The following GLYATL1 variants were observed in gnomAD, a reference collection of about 807,000 sequenced individuals.
The protein encoded by GLYATL1 is glycine N-acyltransferase-like protein 1.
GLYATL1 carries 15 observed loss-of-function variants against 20.0 expected under a neutral mutation model. The observed-to-expected ratio is 0.75, with a 90% CI of 0.50 to 1.15. The LOEUF (loss-of-function observed/expected upper bound fraction) is 1.15, where lower values mean the gene tolerates loss of function less well. Ranked by LOEUF, GLYATL1 falls within the 50% of genes most tolerant of loss-of-function variation. GLYATL1 has a pLI of 0.00. For missense variants in GLYATL1, 380 were observed against 368.5 expected (o/e 1.03, Z -0.26); for synonymous variants, 151 against 131.5 (o/e 1.15, Z -1.01).
intron 1 of GLYATL1, among the ~76,000 whole-genome samples, chr11:58,940,583 A>G (rs190490127): frequency 2.5e-3 from 384 of 152,354 alleles, no homozygotes; most frequent in African/African-American, 8.3e-3. Context: ...TTTCATGTTC[A>G]TGCTACTTAA....
chr11:58,910,508 G>A (rs1264348858), downstream of GLYATL1, among the ~76,000 whole-genome samples: 14 of 152,132 alleles, frequency 9.2e-5, no homozygotes, highest in Non-Finnish European at 2.9e-5. Context: ...AAATACATGT[G>A]GCTGTGGTAT....
chr11:58,945,955 T>C (rs1856541993), intron 2 of GLYATL1, among the ~76,000 whole-genome samples: 1 of 152,246 alleles, frequency 6.6e-6, no homozygotes, highest in Non-Finnish European at 1.5e-5. Flanking sequence ...ATGTTTCACC[T>C]TGCCTATTAC....
intron 1 of GLYATL1, among the ~76,000 whole-genome samples, chr11:58,932,329 TG>T (rs1406985921): frequency 1.3e-5 from 2 of 152,148 alleles, no homozygotes; most frequent in South Asian, 4.1e-4. Flanking sequence ...CATTTCTCAC[TG>T]GTTGAGGTGC....
At chr11:58,921,774 T>C (rs890196920) in intron 1 of GLYATL1, among the ~76,000 whole-genome samples, 1 of 152,192 alleles carries the variant, frequency 6.6e-6, no homozygotes, top group Non-Finnish European at 1.5e-5. Flanking sequence ...TCTCAGTTAA[T>C]GTACACCTTG....
In GLYATL1 at chr11:58,915,225, A is replaced by G. The variant is rs147470920; in HGVS notation, n.264+9564A>G. 6.3e-3 allele frequency among the ~76,000 whole-genome samples: 965 copies of G among 152,340 alleles called. 4 individuals carry two copies. Among genetic ancestry groups the G allele is most frequent in the Non-Finnish European group, 0.01 (688 of 68,036 alleles). On this transcript the variant is annotated intron_variant and non_coding_transcript_variant, in intron 1 of 2. Transcript: ENST00000534674. ...ATAAACTCTTAGAAGGCATACAGTA[A>G]GTGCAGATTACCCAATTCAGTAATT...
At chr11:58,922,978 A>T (rs1306385765), upstream of GLYATL1, among the ~76,000 whole-genome samples, 1 of 152,214 alleles carries the variant, frequency 6.6e-6, no homozygotes, top group Non-Finnish European at 1.5e-5. Context: ...AGTTCTTAAC[A>T]TCTGAGGGGT....
intron 4 of GLYATL1, among the ~76,000 whole-genome samples, chr11:58,952,366 T>G (rs1184876991): frequency 6.6e-6 from 1 of 152,208 alleles, no homozygotes; most frequent in African/African-American, 2.4e-5. Context: ...ACTGAATATT[T>G]TATTCATAAT....
chr11:58,925,124 C>T (rs1855398295), upstream of GLYATL1, among the ~76,000 whole-genome samples: 1 of 152,038 alleles, frequency 6.6e-6, no homozygotes, highest in South Asian at 2.1e-4. Context: ...AGTCTCCAGG[C>T]TGGTGCTGGT....
upstream of GLYATL1, among the ~76,000 whole-genome samples, chr11:58,936,612 T>C (rs1855847648): frequency 6.6e-6 from 1 of 152,188 alleles, no homozygotes; most frequent in Non-Finnish European, 1.5e-5. Context: ...AAGCTGAATT[T>C]GGGGTAGAAA....
At chr11:58,943,124 A>G (rs1169392437) in intron 1 of GLYATL1, 1 of 735,050 alleles carries the variant, frequency 1.4e-6, no homozygotes, top group Non-Finnish European at 2.0e-6. Flanking sequence ...GAAACAAACT[A>G]ATTACAGCCT....
At chr11:58,907,006 TA>T (rs1329038616) in intron 1 of GLYATL1, among the ~76,000 whole-genome samples, 1 of 152,088 alleles carries the variant, frequency 6.6e-6, no homozygotes, top group Non-Finnish European at 1.5e-5. Flanking sequence ...ACAGGAACAA[TA>T]AAAGGTTGAT....
In GLYATL1 at chr11:58,955,734, C is replaced by G; in HGVS notation, c.616C>G (p.Pro206Ala). Residue 206 changes from proline to alanine, a missense_variant, in exon 7 of 7, where the codon CCA (proline) becomes GCA (alanine). Coordinates refer to ENST00000532726, the MANE Select transcript of GLYATL1 (RefSeq NM_001389712.2). Reference protein sequence around the residue: ...HYIKRCIEDLPAACMLGPEGV... With the variant: ...HYIKRCIEDLAAACMLGPEGV... ...CATCAAGCGCTGCATAGAAGACCTG[C>G]CAGCAGCCTGTATGCTCGGCCCAGA... The G allele has an allele frequency of 1.2e-6, 2 of 1,614,202 alleles. No homozygotes were observed. Among genetic ancestry groups the G allele is most frequent in the Non-Finnish European group, 1.7e-6 (2 of 1,180,044 alleles).
chr11:58,941,994 T>G (rs1856195229), intron 1 of GLYATL1, among the ~76,000 whole-genome samples: 1 of 152,332 alleles, frequency 6.6e-6, no homozygotes, highest in South Asian at 2.1e-4. Context: ...TTACCCTACT[T>G]GGGGCAATGT....
At chr11:58,947,463 A>G in intron 3 of GLYATL1, 2 of 487,890 alleles carry the variant, frequency 4.1e-6, no homozygotes, top group Non-Finnish European at 3.6e-6. Flanking sequence ...TTTTCTAGTC[A>G]GATGGCTTTG....
chr11:58,932,578 C>T (rs1199258809), intron 1 of GLYATL1, among the ~76,000 whole-genome samples: 1 of 152,170 alleles, frequency 6.6e-6, no homozygotes, highest in Non-Finnish European at 1.5e-5. Flanking sequence ...CTGCTTTTAG[C>T]AGAAAACCCC....
chr11:58,935,221 G>T (rs907089447), upstream of GLYATL1: 1 of 152,362 alleles, frequency 6.6e-6, no homozygotes, highest in African/African-American at 2.4e-5. Context: ...CTGGAGCCTG[G>T]GCTGTGTGAT....
Position 58,947,942 on chromosome 11 carries a change from G to A in GLYATL1, c.163G>A (p.Val55Ile), listed in dbSNP as rs769190347. 1.1e-5 allele frequency: 17 copies of A among 1,613,588 alleles called. No homozygotes were observed. Among genetic ancestry groups the A allele is most frequent in the Non-Finnish European group, 1.4e-5 (17 of 1,179,602 alleles). The change falls in exon 4 of 7, where the codon GTT becomes ATT. Residue 55 changes from valine (V) to isoleucine (I), a missense_variant. Transcript: ENST00000532726. ...GGATTCCTGGCCTGAATATCAGATG[G>A]TTATTATCCGGCCTCAAAAGCAGGT... ...LVDSWPEYQMVIIRPQKQEMT... is the reference protein window; with the variant it reads ...LVDSWPEYQMIIIRPQKQEMT...
intron 2 of GLYATL1, among the ~76,000 whole-genome samples, chr11:58,944,241 T>G (rs1856403467): frequency 6.6e-6 from 1 of 152,182 alleles, no homozygotes; most frequent in Non-Finnish European, 1.5e-5. Flanking sequence ...CAGTAAAGTC[T>G]CTTTGACTAA....
Position 58,955,804 on chromosome 11 carries a change from T to G in GLYATL1, c.686T>G (p.Val229Gly), listed in dbSNP as rs557764513. ...GTAACCATGGACCCTTCTTGTGAAG[T>G]AGGAATGGCCTACAGCATGGAAAAA... is the stretch of plus-strand genomic sequence containing the variant. ...SWVTMDPSCE[V>G]GMAYSMEKYR... is the part of the protein sequence containing the mutation. The change falls in exon 7 of 7, where the codon GTA (valine) becomes GGA (glycine). Residue 229 changes from valine to glycine, a missense_variant. Coordinates refer to ENST00000532726, the MANE Select transcript of GLYATL1 (RefSeq NM_001389712.2). The G allele has an allele frequency of 6.2e-7, 1 of 1,614,072 alleles. No homozygotes were observed. The highest frequency in any genetic ancestry group is 8.5e-7 in the Non-Finnish European group (1 of 1,180,012).
Sources: gnomAD v4.1 joint callset for allele counts (sites outside exome capture counted in the v4.1 genomes callset) on GRCh38, gnomAD v4.1.1 for gene constraint, MANE v1.5 for transcripts, NCBI Gene and HGNC (gene_info 2026-07-23, HGNC 2026-07-21) for gene names.